TDRKH: variants seen among roughly 807,000 people sequenced by gnomAD.
TDRKH encodes tudor and KH domain containing.
In TDRKH, 28 loss-of-function variants were observed where a neutral mutation model predicts 61.3. The observed-to-expected ratio is 0.46, with a 90% confidence interval of 0.34 to 0.63. The LOEUF (loss-of-function observed/expected upper bound fraction) is 0.63. Ranked by LOEUF, TDRKH falls within the 20% of genes least tolerant of loss-of-function variation. The probability of loss-of-function intolerance (pLI) is 0.01; values close to 1 mark genes in which losing one functional copy is unlikely to be tolerated. For synonymous variants in TDRKH, 219 were observed against 244.4 expected (o/e 0.90, Z 0.97); for missense variants, 540 against 683.4 (o/e 0.79, Z 2.34).
In TDRKH at chr1:151,782,993, G is replaced by A; in HGVS notation, c.30C>T (p.Ser10=). The A allele has an allele frequency of 6.2e-7, 1 of 1,613,614 alleles. No individual in the cohort carries two copies. Among genetic ancestry groups the A allele is most frequent in the South Asian group, 1.1e-5 (1 of 90,976 alleles). Residue 10 remains serine (S), a synonymous_variant, in exon 2 of 13, where the codon AGC becomes AGT. Transcript: ENST00000368824. ...GGGCTATTTTCTGAATGGTGGACAG[G>A]CTTGTCCAAGAAGTCCGTTCAGTAG... MSTERTSWT[S]LSTIQKIALG... is the part of the protein sequence containing the mutation.
chr1:151,771,647 G>A (rs1178881201), downstream of TDRKH: 2 of 360,608 alleles, frequency 5.5e-6, no homozygotes, highest in Non-Finnish European at 9.8e-6. Flanking sequence ...AGATCTCTTG[G>A]CTTTGGCCCA....
At chr1:151,787,506 T>A (rs931837265) in intron 1 of TDRKH, among the ~76,000 whole-genome samples, 2 of 152,076 alleles carry the variant, frequency 1.3e-5, no homozygotes, top group East Asian at 3.9e-4. Context: ...CGTGAGCCAC[T>A]GCGCCTGGCT....
At chr1:151,776,912 G>C (rs1023530558) in intron 6 of TDRKH, among the ~76,000 whole-genome samples, 1 of 152,140 alleles carries the variant, frequency 6.6e-6, no homozygotes. Context: ...AAGGTATATG[G>C]ACAGCAATCT....
chr1:151,785,926 C>T (rs868066072), intron 1 of TDRKH, among the ~76,000 whole-genome samples: 1 of 152,040 alleles, frequency 6.6e-6, no homozygotes, highest in Non-Finnish European at 1.5e-5. Context: ...TAGAACAAAG[C>T]AAGCTGGCTT....
rs373173452 is a variant in TDRKH, at chr1:151,780,071, T to C, written c.301A>G (p.Ile101Val). 6.2e-7 allele frequency: 1 copy of C among 1,614,078 alleles called. No individual in the cohort carries two copies. Among genetic ancestry groups the C allele is most frequent in the African/African-American group, 1.3e-5 (1 of 74,934 alleles). The change falls in exon 4 of 13, where the codon ATC becomes GTC. Residue 101 changes from isoleucine to valine, a missense_variant. Around this residue, in one of 3 missense-constraint regions of TDRKH, gnomAD observed 156 missense variants for 218.0 expected, o/e 0.72. Coordinates refer to ENST00000368824, the MANE Select transcript of TDRKH (RefSeq NM_001083965.2). ...EDVGDERVLL[I>V]SGFPVQVCKA... The stretch of plus-strand genomic sequence containing the variant: ...CACACCTGAACAGGAAAACCACTGA[T>C]AAGCAGCACTCGCTCATCGCCTACA...
chr1:151,774,972 G>A (rs774450108), intron 11 of TDRKH, 93 bp downstream of exon 11: 11 of 1,442,246 alleles, frequency 7.6e-6, no homozygotes, highest in Non-Finnish European at 8.6e-6. Context: ...AAAGTCCTTA[G>A]GAAAGCTAAC....
At chr1:151,770,088 AGG>A (rs1648604369), downstream of TDRKH, 1 of 1,449,908 alleles carries the variant, frequency 6.9e-7, no homozygotes. Flanking sequence ...AGAGAGGGAG[AGG>A]GAGACCATGG....
At position 151,774,338 on chromosome 1, in the gene TDRKH, G is replaced by A. The variant is rs780396308; in HGVS notation, c.*114C>T. ...ATATTAAGACAGGGCATGGGAAAGAGGGAATCAAAGCAAGTGCCCCACTGT... is the reference window on the plus strand; with the variant it reads ...ATATTAAGACAGGGCATGGGAAAGAAGGAATCAAAGCAAGTGCCCCACTGT... On this transcript the variant is annotated 3_prime_UTR_variant, in exon 13 of 13. Transcript: ENST00000368824. The A allele has an allele frequency of 1.8e-4, 190 of 1,038,224 alleles. No individual in the cohort carries two copies. The highest frequency in any genetic ancestry group is 2.6e-4 in the Non-Finnish European group (179 of 701,378). 64.3% of individuals were successfully genotyped at this position (1,038,224 alleles called of 1,614,324 possible). A position where few individuals can be genotyped will look rare whatever the true frequency, so the allele number is the denominator to read the frequency against.
chr1:151,790,375 C>G lies in TDRKH; in HGVS notation c.-28+5G>C, dbSNP rs1376408778. 1.3e-5 allele frequency: 2 copies of G among 152,688 alleles called. No homozygotes were observed. Among genetic ancestry groups the G allele is most frequent in the Non-Finnish European group, 2.9e-5 (2 of 68,332 alleles). The allele number at this position is 152,688 out of a possible 1,614,324, so 9.5% of individuals were successfully genotyped here. On this transcript the variant is annotated splice_donor_5th_base_variant and intron_variant, in intron 1 of 12. Coordinates refer to ENST00000368824, the MANE Select transcript of TDRKH (RefSeq NM_001083965.2). ...CCATGACCCTGTCTTTCCCACTCCC[C>G]AAACCTTCGGTCTCCATCCTCGCCT... is the stretch of plus-strand genomic sequence containing the variant.
At chr1:151,783,843 C>T (rs1444635580) in intron 1 of TDRKH, 5 of 152,240 alleles carry the variant, frequency 3.3e-5, no homozygotes, top group Non-Finnish European at 5.9e-5. Context: ...CTAATGACAT[C>T]AACAATGCTG....
intron 1 of TDRKH, among the ~76,000 whole-genome samples, chr1:151,787,357 G>T (rs35834074): frequency 0.41 from 61,839 of 151,930 alleles, 13,489 homozygotes; most frequent in Non-Finnish European, 0.5. Flanking sequence ...TAGCTGGGAC[G>T]ACAGGCACCT....
chr1:151,766,610 C>T (rs1242683524), downstream of TDRKH: 13 of 1,241,492 alleles, frequency 1.0e-5, no homozygotes, highest in Non-Finnish European at 1.4e-5. Flanking sequence ...TAAGGGCTGA[C>T]CCCTTATCCA....
chr1:151,770,423 A>G, downstream of TDRKH: 1 of 1,019,366 alleles, frequency 9.8e-7, no homozygotes, highest in South Asian at 1.6e-5. Flanking sequence ...AACTTGTTCC[A>G]TCAAGTTACA....
Position 151,786,487 on chromosome 1 carries a change from C to T in TDRKH, c.-27-3438G>A, listed in dbSNP as rs538729050. On this transcript the variant is annotated intron_variant, in intron 1 of 12. Coordinates refer to ENST00000368824, the MANE Select transcript of TDRKH (RefSeq NM_001083965.2). ...CAATTTAAAACTTAAGAATTGTTTA[C>T]GTATGGAACTTCCCATTTAATCTTT... 5.3e-5 allele frequency among the ~76,000 whole-genome samples: 8 copies of T among 152,226 alleles called. No homozygotes were observed. The East Asian group carries it at 1.3e-3, about 26-fold the overall frequency.
At chr1:151,781,328 A>AAAAAAATATATATATATAT (rs1491536697) in intron 3 of TDRKH, among the ~76,000 whole-genome samples, 153 bp downstream of exon 3, 1 of 68,600 alleles carries the variant, frequency 1.5e-5, no homozygotes, top group Non-Finnish European at 3.4e-5. Flanking sequence ...AAAAAAAAAA[A>AAAAAAATATATATATATAT]ATATATATAT....
intron 1 of TDRKH, among the ~76,000 whole-genome samples, chr1:151,790,111 A>C (rs978295384): frequency 3.3e-5 from 5 of 152,172 alleles, no homozygotes; most frequent in African/African-American, 1.2e-4. Context: ...GTCTGAACTG[A>C]CTCAGGGCAA....
intron 1 of TDRKH, among the ~76,000 whole-genome samples, chr1:151,788,937 CTG>C (rs1650614526): frequency 6.6e-6 from 1 of 152,308 alleles, no homozygotes; most frequent in Admixed American, 6.5e-5. Flanking sequence ...TGATTAACAT[CTG>C]TGTCCGTGGT....
intron 1 of TDRKH, among the ~76,000 whole-genome samples, chr1:151,789,080 T>C (rs1424316137): frequency 2.6e-5 from 4 of 152,184 alleles, no homozygotes; most frequent in Non-Finnish European, 5.9e-5. Context: ...GACAGAGCCT[T>C]GGTCTGTCAC....
chr1:151,766,741 G>A (rs552612208), downstream of TDRKH: 23 of 1,553,868 alleles, frequency 1.5e-5, no homozygotes, highest in Admixed American at 3.9e-5. Flanking sequence ...AAGAGGTGTC[G>A]CCCCTCTGTC....
Sources: allele counts gnomAD v4.1 joint callset (sites outside exome capture counted in the v4.1 genomes callset), GRCh38; gene constraint gnomAD v4.1.1; regional missense constraint gnomAD v4.1.1; transcripts MANE v1.5; gene names NCBI Gene and HGNC (gene_info 2026-07-23, HGNC 2026-07-21).